The following PDE3A variants were observed in gnomAD, a reference collection of about 807,000 sequenced individuals.
The protein encoded by PDE3A is cGMP-inhibited 3',5'-cyclic phosphodiesterase 3A.
A neutral mutation model predicts 98.3 loss-of-function variants in PDE3A; 43 were observed. The ratio of observed to expected loss-of-function variants is 0.44; its 90% CI spans 0.34 to 0.56. The LOEUF is 0.56. PDE3A is among the 20% of genes least tolerant of loss of function. PDE3A has a pLI of 0.01. For missense variants in PDE3A, 1,427 were observed against 1,440.7 expected (o/e 0.99, Z 0.15); for synonymous variants, 663 against 567.9 (o/e 1.17, Z -2.38).
intron 1 of PDE3A, among the ~76,000 whole-genome samples, chr12:20,468,198 T>G (rs554284393): frequency 6.6e-6 from 1 of 152,236 alleles, no homozygotes; most frequent in South Asian, 2.1e-4. Flanking sequence ...TTTCTGAGTC[T>G]TCCCTTTCAT....
intron 1 of PDE3A, among the ~76,000 whole-genome samples, chr12:20,409,052 T>C (rs1944286331): frequency 1.3e-5 from 2 of 152,148 alleles, no homozygotes; most frequent in Non-Finnish European, 1.5e-5. Flanking sequence ...GAATGAATGG[T>C]AAAACAAATC....
Position 20,526,884 on chromosome 12 carries a change from CTGTGTGTGTGTGTGTGTGTGTGTG to C in PDE3A, c.961-29750_961-29727del, listed in dbSNP as rs71039949. ...TAAGGCCATTAGGAGACATTTTTTT[CTGTGTGTGTGTGTGTGTGTGTGTG>C]TGTGTGTGTGTGTGTGTGTGTGTGT... On this transcript the variant is annotated intron_variant, in intron 1 of 15. Coordinates refer to ENST00000359062, the MANE Select transcript of PDE3A (RefSeq NM_000921.5). 1.2e-4 allele frequency among the ~76,000 whole-genome samples: 16 copies of C among 136,932 alleles called. No homozygotes were observed. The East Asian group carries it at 1.8e-3, about 15-fold the overall frequency. The allele number at this position is 136,932 out of a possible 152,430, so 89.8% of individuals were successfully genotyped here. A position where few individuals can be genotyped will look rare whatever the true frequency, so the allele number is the denominator to read the frequency against.
intron 1 of PDE3A, among the ~76,000 whole-genome samples, chr12:20,533,191 CA>C (rs981377400): frequency 2.9e-4 from 44 of 152,064 alleles, no homozygotes; most frequent in Admixed American, 5.2e-4. Flanking sequence ...AAGGAGTTTG[CA>C]TTTTTTTCAA....
intron 1 of PDE3A, among the ~76,000 whole-genome samples, chr12:20,413,751 T>C (rs76187176): frequency 0.028 from 4,203 of 152,184 alleles, 91 homozygotes; most frequent in Admixed American, 0.061. Flanking sequence ...ATGGTGTGAT[T>C]TGTGTTTTAA....
intron 15 of PDE3A, among the ~76,000 whole-genome samples, chr12:20,673,589 C>G (rs1463996025): frequency 2.0e-5 from 3 of 150,428 alleles, no homozygotes; most frequent in African/African-American, 7.4e-5. Flanking sequence ...TCTCAGTAAA[C>G]TATTGCAAGA....
chr12:20,515,663 C>A (rs1194002757), intron 1 of PDE3A, among the ~76,000 whole-genome samples: 1 of 152,040 alleles, frequency 6.6e-6, no homozygotes, highest in Non-Finnish European at 1.5e-5. Flanking sequence ...ACTAGAGTAT[C>A]CCTGATCTCC....
Position 20,453,614 on chromosome 12 carries a change from G to A in PDE3A, c.960+83370G>A, listed in dbSNP as rs748392040. Among the ~76,000 whole-genome samples, 68 of 152,230 alleles carry A rather than the reference G, an allele frequency of 4.5e-4. 1 individual carries two copies. Among genetic ancestry groups the A allele is most frequent in the Middle Eastern group, 3.4e-3 (1 of 294 alleles). ...TAGAAAGTTCAATTTTCGCTTAAAG[G>A]AGCCAGAGAGGAAAAGCCTGTAAAA... On this transcript the variant is annotated intron_variant, in intron 1 of 15. Transcript: ENST00000359062.
At chr12:20,490,877 C>T (rs74340771) in intron 1 of PDE3A, among the ~76,000 whole-genome samples, 11,893 of 151,984 alleles carry the variant, frequency 0.078, 1,039 homozygotes, top group African/African-American at 0.22. Flanking sequence ...TTGGGAGGCC[C>T]AGGATCACTT....
chr12:20,571,023 A>G (rs1428396903), intron 2 of PDE3A, among the ~76,000 whole-genome samples: 14 of 152,160 alleles, frequency 9.2e-5, no homozygotes, highest in Non-Finnish European at 2.1e-4. Context: ...GTGATGTGAC[A>G]AGTGTTCATG....
intron 1 of PDE3A, among the ~76,000 whole-genome samples, chr12:20,518,694 T>C (rs1946366383): frequency 6.6e-6 from 1 of 152,212 alleles, no homozygotes. Flanking sequence ...TAAAAGAGAA[T>C]GGTGACCAAT....
chr12:20,392,530 A>C (rs555732609), intron 1 of PDE3A, among the ~76,000 whole-genome samples: 56 of 95,162 alleles, frequency 5.9e-4, no homozygotes, highest in African/African-American at 1.5e-3. Flanking sequence ...TAAATAAATA[A>C]ATACATAAAT....
intron 1 of PDE3A, among the ~76,000 whole-genome samples, chr12:20,489,215 T>G (rs1362258037): frequency 2.6e-5 from 4 of 152,216 alleles, no homozygotes; most frequent in Admixed American, 6.5e-5. Context: ...TATTTTATTT[T>G]CATTTGCGTG....
chr12:20,384,920 C>T (rs920969809), intron 1 of PDE3A, among the ~76,000 whole-genome samples: 1 of 152,074 alleles, frequency 6.6e-6, no homozygotes, highest in African/African-American at 2.4e-5. Flanking sequence ...TTTTCTTTAT[C>T]TAGTCTATCG....
intron 1 of PDE3A, chr12:20,551,578 G>A (rs1942199702): frequency 1.9e-6 from 3 of 1,539,814 alleles, no homozygotes; most frequent in African/African-American, 1.4e-5. Context: ...GCGGGTCTGC[G>A]CCTGCCACCT....
chr12:20,628,807 T>C (rs1944319582), intron 5 of PDE3A, among the ~76,000 whole-genome samples: 1 of 152,126 alleles, frequency 6.6e-6, no homozygotes, highest in African/African-American at 2.4e-5. Flanking sequence ...CACAAAATCG[T>C]TCAACAAACT....
In PDE3A at chr12:20,552,374, G is replaced by A; in HGVS notation, c.961-4286G>A. On this transcript the variant is annotated intron_variant, in intron 1 of 15. Transcript: ENST00000359062. The surrounding 1 kb of genome is among the most constrained non-coding windows in gnomAD (Gnocchi z 5.1). ...CTCGTGTGGCGCTACCTTCTGCGGA[G>A]GGACGATGATGAGCCCGGCCCTTGG... 6.2e-7 allele frequency: 1 copy of A among 1,613,728 alleles called. No homozygotes were observed. The highest frequency in any genetic ancestry group is 8.5e-7 in the Non-Finnish European group (1 of 1,179,872).
chr12:20,436,773 C>G (rs547994178), intron 1 of PDE3A, among the ~76,000 whole-genome samples: 14 of 152,246 alleles, frequency 9.2e-5, no homozygotes, highest in African/African-American at 3.1e-4. Flanking sequence ...AGGCTTAAAT[C>G]CTTAATAAAG....
In PDE3A at chr12:20,546,045, A is replaced by G. The variant is rs536004725; in HGVS notation, c.961-10615A>G. Reference sequence around the variant, plus strand: ...TTATGAGACTGTGGCTGCTAGTCACATCTGTTTTACCCACACGAGGCTGAT... The same window carrying G: ...TTATGAGACTGTGGCTGCTAGTCACGTCTGTTTTACCCACACGAGGCTGAT... On this transcript the variant is annotated intron_variant, in intron 1 of 15. Transcript: ENST00000359062. 1.4e-4 allele frequency among the ~76,000 whole-genome samples: 22 copies of G among 152,120 alleles called. No individual in the cohort carries two copies. In the Middle Eastern group the frequency reaches 0.01, roughly 71 times the overall value.
chr12:20,386,419 A>G (rs1591871830), intron 1 of PDE3A, among the ~76,000 whole-genome samples: 1 of 150,860 alleles, frequency 6.6e-6, no homozygotes, highest in East Asian at 2.0e-4. Flanking sequence ...TGTTGGCCAC[A>G]TAAATGTCTT....
Sources: allele counts gnomAD v4.1 joint callset (sites outside exome capture counted in the v4.1 genomes callset), GRCh38; gene constraint gnomAD v4.1.1; non-coding constraint Gnocchi (gnomAD v3.1); transcripts MANE v1.5; gene names NCBI Gene and HGNC (gene_info 2026-07-23, HGNC 2026-07-21).